The following FRY variants were observed in gnomAD, a reference collection of about 807,000 sequenced individuals.
The protein encoded by FRY is FRY microtubule binding protein, also known as protein furry homolog.
FRY carries 128 observed loss-of-function variants against 348.4 expected under a neutral mutation model. The ratio of observed to expected loss-of-function variants is 0.37; its 90% CI spans 0.32 to 0.43. The LOEUF (loss-of-function observed/expected upper bound fraction) is 0.43. Ranked by LOEUF, FRY falls within the 20% of genes least tolerant of loss-of-function variation. FRY has a pLI of 1.00. For synonymous variants in FRY, 1,370 were observed against 1,374.7 expected (o/e 1.00, Z 0.08); for missense variants, 2,736 against 3,695.2 (o/e 0.74, Z 6.73).
intron 50 of FRY, among the ~76,000 whole-genome samples, chr13:32,253,946 TAC>T (rs10627998): frequency 1.3e-5 from 2 of 151,156 alleles, no homozygotes; most frequent in Admixed American, 6.6e-5. Flanking sequence ...CACACACACA[TAC>T]ACACACACAC....
intron 17 of FRY, among the ~76,000 whole-genome samples, chr13:32,163,353 T>A (rs1881556906): frequency 6.6e-6 from 1 of 152,234 alleles, no homozygotes; most frequent in Non-Finnish European, 1.5e-5. Context: ...ATTTCCTTCA[T>A]TCCTTTGCCA....
chr13:32,127,652 A>G (rs768564513), intron 7 of FRY, among the ~76,000 whole-genome samples: 6 of 152,068 alleles, frequency 3.9e-5, no homozygotes, highest in Non-Finnish European at 8.8e-5. Context: ...GGTGGCACGC[A>G]CCTGTAATCC....
chr13:32,260,265 T>A (rs1887560312), intron 51 of FRY, among the ~76,000 whole-genome samples: 1 of 152,228 alleles, frequency 6.6e-6, no homozygotes, highest in Non-Finnish European at 1.5e-5. Context: ...TTGTTTTATT[T>A]TATTCCAATG....
intron 28 of FRY, among the ~76,000 whole-genome samples, chr13:32,191,670 A>G (rs888936017): frequency 5.3e-5 from 8 of 152,162 alleles, no homozygotes; most frequent in Non-Finnish European, 7.3e-5. Context: ...GTGCTGGCAG[A>G]TTTATGTCTG....
At chr13:32,041,077 G>A (rs541423548) in intron 1 of FRY, among the ~76,000 whole-genome samples, 54 of 152,254 alleles carry the variant, frequency 3.5e-4, no homozygotes, top group African/African-American at 1.3e-3. Flanking sequence ...TAACCAGTGA[G>A]TTTACAACTC....
rs1879785680 is a variant in FRY at position 32,137,339 on chromosome 13, T to A, written c.1179+367T>A. On this transcript the variant is annotated intron_variant, in intron 11 of 60. Coordinates refer to ENST00000542859, the MANE Select transcript of FRY (RefSeq NM_023037.3). ...TGTGAATTGATCTCAGAAGCTCACTTATACCTTCCCATCCTTTCTCTATCC... is the reference window on the plus strand; with the variant it reads ...TGTGAATTGATCTCAGAAGCTCACTAATACCTTCCCATCCTTTCTCTATCC... Among the ~76,000 whole-genome samples the A allele has an allele frequency of 2.6e-5, 4 of 152,346 alleles. No individual in the cohort carries two copies. The South Asian group carries it at 8.3e-4, about 32-fold the overall frequency.
intron 18 of FRY, among the ~76,000 whole-genome samples, chr13:32,172,170 G>A (rs996951845): frequency 3.3e-5 from 5 of 151,786 alleles, no homozygotes; most frequent in African/African-American, 4.8e-5. Flanking sequence ...TGATGTGGAC[G>A]TGGATGTGGG....
intron 23 of FRY, among the ~76,000 whole-genome samples, chr13:32,182,701 G>A (rs1882784988): frequency 6.6e-6 from 1 of 152,108 alleles, no homozygotes; most frequent in African/African-American, 2.4e-5. Flanking sequence ...TTGCCATAGA[G>A]ATCTCCAGAA....
chr13:32,202,314 A>G, intron 30 of FRY, 42 bp from the exon 31 acceptor site: 1 of 1,468,990 alleles, frequency 6.8e-7, no homozygotes, highest in East Asian at 2.3e-5. Flanking sequence ...TATCCAGCTA[A>G]TGCTTTTCAT....
At chr13:32,085,003 G>T (rs866250680) in intron 2 of FRY, among the ~76,000 whole-genome samples, 33 of 152,106 alleles carry the variant, frequency 2.2e-4, no homozygotes, top group African/African-American at 6.8e-4. Flanking sequence ...TAATATAATA[G>T]CTTGAAAAGA....
At chr13:32,053,112 CA>C (rs113400659) in intron 1 of FRY, among the ~76,000 whole-genome samples, 61 of 135,706 alleles carry the variant, frequency 4.5e-4, no homozygotes, top group Admixed American at 4.5e-4. Context: ...GACTCCATCT[CA>C]AAAAAAAAAA....
chr13:32,170,369 A>G (rs1280066731), intron 17 of FRY, among the ~76,000 whole-genome samples: 1 of 152,220 alleles, frequency 6.6e-6, no homozygotes, highest in African/African-American at 2.4e-5. Flanking sequence ...AATCTGAGTA[A>G]AGTAGTTAAT....
At chr13:32,074,580 A>G (rs1170764984) in intron 1 of FRY, among the ~76,000 whole-genome samples, 9 of 152,226 alleles carry the variant, frequency 5.9e-5, no homozygotes, top group Non-Finnish European at 4.4e-5. Flanking sequence ...TAAAAAATTC[A>G]TCACATGGAT....
At chr13:32,234,304 T>C (rs1338442762) in intron 41 of FRY, among the ~76,000 whole-genome samples, 1 of 151,818 alleles carries the variant, frequency 6.6e-6, no homozygotes, top group Non-Finnish European at 1.5e-5. Context: ...ATGCCTGTAG[T>C]CCCAGCTACT....
At chr13:32,149,406 T>C (rs184060176) in intron 13 of FRY, among the ~76,000 whole-genome samples, 2 of 152,234 alleles carry the variant, frequency 1.3e-5, no homozygotes, top group Admixed American at 1.3e-4. Context: ...ACAGTACAAG[T>C]AGGAAGAGTT....
At chr13:32,083,898 C>T (rs1456004854) in intron 2 of FRY, among the ~76,000 whole-genome samples, 1 of 152,044 alleles carries the variant, frequency 6.6e-6, no homozygotes, top group Non-Finnish European at 1.5e-5. Context: ...TTTCCTATCC[C>T]CCAGTTGACA....
chr13:32,180,991 A>C (rs1016894544), intron 23 of FRY, among the ~76,000 whole-genome samples: 9 of 151,958 alleles, frequency 5.9e-5, no homozygotes, highest in African/African-American at 2.2e-4. Context: ...TCCAGGTTCA[A>C]GCAATTCTCC....
chr13:32,092,754 G>A (rs1041701715), intron 2 of FRY, among the ~76,000 whole-genome samples: 3 of 152,136 alleles, frequency 2.0e-5, no homozygotes, highest in Admixed American at 6.5e-5. Context: ...TACTTCTCAC[G>A]CAGCAGGTGA....
chr13:32,273,087 C>G (rs536471099), intron 55 of FRY, among the ~76,000 whole-genome samples: 1 of 152,018 alleles, frequency 6.6e-6, no homozygotes, highest in African/African-American at 2.4e-5. Flanking sequence ...TTGTTTTTCC[C>G]CTCAGGTAGT....
Sources: gnomAD v4.1 joint callset for allele counts (sites outside exome capture counted in the v4.1 genomes callset) on GRCh38, gnomAD v4.1.1 for gene constraint, MANE v1.5 for transcripts, NCBI Gene and HGNC (gene_info 2026-07-23, HGNC 2026-07-21) for gene names.